MAP9: variants seen among roughly 807,000 people sequenced by gnomAD.
MAP9 encodes microtubule associated protein 9, also known as microtubule-associated protein 9.
A neutral mutation model predicts 75.2 loss-of-function variants in MAP9; 80 were observed. The observed-to-expected ratio is 1.06, with a 90% CI of 0.89 to 1.28. The LOEUF is 1.28. Among genes scored for constraint, MAP9 ranks in the 50% most tolerant of loss-of-function variants. The probability of loss-of-function intolerance (pLI) is 0.00; values close to 1 mark genes in which losing one functional copy is unlikely to be tolerated. For missense variants in MAP9, 753 were observed against 719.9 expected (o/e 1.05, Z -0.53); for synonymous variants, 235 against 237.3 (o/e 0.99, Z 0.09).
Position 155,355,160 on chromosome 4 carries a change from C to A in MAP9, c.1291G>T (p.Glu431Ter). The A allele has an allele frequency of 8.9e-7, 1 of 1,121,362 alleles. No individual in the cohort carries two copies. The highest frequency in any genetic ancestry group is 1.6e-5 in the South Asian group (1 of 61,932). 69.5% of individuals were successfully genotyped at this position (1,121,362 alleles called of 1,614,324 possible). A position where few individuals can be genotyped will look rare whatever the true frequency, so the allele number is the denominator to read the frequency against. The change falls in exon 10 of 14, where the codon GAG becomes TAG. Residue 431 changes from glutamate to a stop codon, truncating the protein, a stop_gained and splice_region_variant. Coordinates refer to ENST00000311277, the MANE Select transcript of MAP9 (RefSeq NM_001039580.2). LOFTEE classifies it high-confidence loss of function. Reference protein sequence around the residue: ...ADNIRAAVYQEWLEKKNVYLH... With the variant: ...ADNIRAAVYQ Reference sequence around the variant, plus strand: ...TACACATTTTTCTTTTCTAACCACTCCTATAAGAACAAGAAAAAGGTCATA... The same window carrying A: ...TACACATTTTTCTTTTCTAACCACTACTATAAGAACAAGAAAAAGGTCATA...
chr4:155,372,291 TG>T lies in MAP9; in HGVS notation c.481+844del, dbSNP rs544539613. ...CAAAGTATGAAATATTTACCAGCAC[TG>T]TATTTACTGATGATATGCAAGGAGA... is the stretch of plus-strand genomic sequence containing the variant. On this transcript the variant is annotated intron_variant, in intron 4 of 13. Coordinates refer to ENST00000311277, the MANE Select transcript of MAP9 (RefSeq NM_001039580.2). Among the ~76,000 whole-genome samples the T allele has an allele frequency of 2.6e-5, 4 of 152,326 alleles. No homozygotes were observed. The South Asian group carries it at 8.3e-4, about 32-fold the overall frequency.
chr4:155,361,657 ATTGGAATCTAGC>A (rs1199450848), intron 6 of MAP9, among the ~76,000 whole-genome samples: 4 of 152,062 alleles, frequency 2.6e-5, no homozygotes, highest in African/African-American at 9.6e-5. Context: ...TTGTGCCTGT[ATTGGAATCTAGC>A]TTAGTCTCAC....
At chr4:155,361,207 T>C (rs1732064226) in intron 6 of MAP9, 4 of 152,188 alleles carry the variant, frequency 2.6e-5, no homozygotes, top group African/African-American at 9.6e-5. Flanking sequence ...TGAGGTAACA[T>C]GGGCTTAAAA....
chr4:155,357,400 T>C, intron 8 of MAP9, 49 bp downstream of exon 8: 1 of 1,109,146 alleles, frequency 9.0e-7, no homozygotes, highest in Non-Finnish European at 1.4e-6. Flanking sequence ...TAAAACTAGC[T>C]TTGCTAGAAT....
In MAP9 at chr4:155,355,844, T is replaced by C; in HGVS notation, c.1162A>G (p.Arg388Gly). Residue 388 changes from arginine to glycine, a missense_variant, in exon 9 of 14, where the codon AGG becomes GGG. Transcript: ENST00000311277. ...GAGGTAGTTGTCGATGGAGTTCTCCTTTTAGAACTAGATTTCTTCAAAAAC... is the reference window on the plus strand; with the variant it reads ...GAGGTAGTTGTCGATGGAGTTCTCCCTTTAGAACTAGATTTCTTCAAAAAC... ...SEFLKKSSSKRRTPSTTTSSH... is the reference protein window; with the variant it reads ...SEFLKKSSSKGRTPSTTTSSH... 6.2e-7 allele frequency: 1 copy of C among 1,613,446 alleles called. No homozygotes were observed. Among genetic ancestry groups the C allele is most frequent in the Non-Finnish European group, 8.5e-7 (1 of 1,179,586 alleles).
At chr4:155,351,194 G>A (rs775693052) in intron 13 of MAP9, 4 of 151,722 alleles carry the variant, frequency 2.6e-5, no homozygotes, top group Non-Finnish European at 4.4e-5. Flanking sequence ...AAACAGACCC[G>A]AAAACATGAG....
Position 155,373,246 on chromosome 4 carries a change from AT to A in MAP9, c.370del (p.Ile124LeufsTer3), listed in dbSNP as rs779891156. 2.5e-6 allele frequency: 4 copies of A among 1,612,418 alleles called. 1 individual carries two copies. The highest frequency in any genetic ancestry group is 1.7e-5 in the Admixed American group (1 of 59,924). On this transcript the variant is annotated frameshift_variant, in exon 4 of 14. Coordinates refer to ENST00000311277, the MANE Select transcript of MAP9 (RefSeq NM_001039580.2). LOFTEE classifies it high-confidence loss of function. ...EEMAPDGCED[I>X]VVKSFSESQN... is the part of the protein sequence containing the mutation. ...AGATTCAGAGAAAGATTTTACAACA[AT>A]GTCTTCACACCCATCAGGTGCCATT...
At chr4:155,364,894 C>CAAT (rs1247466638) in intron 5 of MAP9, among the ~76,000 whole-genome samples, 1 of 150,870 alleles carries the variant, frequency 6.6e-6, no homozygotes, top group African/African-American at 2.4e-5. Context: ...GATAAAAGGT[C>CAAT]AATAATAATA....
In MAP9 at chr4:155,359,409, G is replaced by A. The variant is rs112731087; in HGVS notation, c.1050+759C>T. Among the ~76,000 whole-genome samples the A allele has an allele frequency of 1.3e-3, 194 of 152,086 alleles. 2 individuals carry two copies. The highest frequency in any genetic ancestry group is 4.6e-3 in the African/African-American group (189 of 41,512). On this transcript the variant is annotated intron_variant, in intron 7 of 13. Coordinates refer to ENST00000311277, the MANE Select transcript of MAP9 (RefSeq NM_001039580.2). ...AATAATGTGTACACATGTATATAGG[G>A]TATGGAATAATAGATAATGGAGACT...
At chr4:155,356,373 A>T (rs1307974134) in intron 8 of MAP9, among the ~76,000 whole-genome samples, 2 of 152,168 alleles carry the variant, frequency 1.3e-5, no homozygotes, top group Non-Finnish European at 2.9e-5. Context: ...TAAATTATGT[A>T]GAAGGGGACA....
intron 13 of MAP9, among the ~76,000 whole-genome samples, chr4:155,350,638 A>G (rs1353212248): frequency 1.3e-5 from 2 of 152,032 alleles, no homozygotes; most frequent in African/African-American, 4.8e-5. Context: ...TAAGGAAATC[A>G]TCATGAAACA....
rs959856437 is a variant in MAP9 at position 155,343,209 on chromosome 4, A to ATT, written c.*4572_*4573dup. ...GTATTTTATATATATTATGTACATC[A>ATT]TTATATATATATGCATACATATTTG... On this transcript the variant is annotated 3_prime_UTR_variant, in exon 14 of 14. Transcript: ENST00000311277. 2 of 150,778 alleles carry ATT rather than the reference A, an allele frequency of 1.3e-5. No homozygotes were observed. The highest frequency in any genetic ancestry group is 3.0e-5 in the Non-Finnish European group (2 of 67,626). The allele number at this position is 150,778 out of a possible 1,614,324, so 9.3% of individuals were successfully genotyped here. A position where few individuals can be genotyped will look rare whatever the true frequency, so the allele number is the denominator to read the frequency against.
Position 155,353,356 on chromosome 4 carries a change from T to TTAAA in MAP9, c.1381-17_1381-16insTTTA, listed in dbSNP as rs1414328250. 2 of 1,549,114 alleles carry TTAAA rather than the reference T, an allele frequency of 1.3e-6. No individual in the cohort carries two copies. The highest frequency in any genetic ancestry group is 8.6e-7 in the Non-Finnish European group (1 of 1,158,858). Reference sequence around the variant, plus strand: ...CAGCTTTTTTCTACAGTGGAAAAAATAATAGAGTGATATACATATATATGT... The same window carrying TTAAA: ...CAGCTTTTTTCTACAGTGGAAAAAATTAAAAATAGAGTGATATACATATATATGT... On this transcript the variant is annotated splice_polypyrimidine_tract_variant and intron_variant, in intron 10 of 13. Coordinates refer to ENST00000311277, the MANE Select transcript of MAP9 (RefSeq NM_001039580.2).
chr4:155,369,362 CA>C (rs145755061), intron 4 of MAP9, among the ~76,000 whole-genome samples: 10,725 of 129,820 alleles, frequency 0.083, 933 homozygotes, highest in East Asian at 0.44. Flanking sequence ...ACAACAACAA[CA>C]AAAAAAAAAC....
Position 155,344,495 on chromosome 4 carries a change from C to G in MAP9, c.*3288G>C, listed in dbSNP as rs1160457206. Reference sequence around the variant, plus strand: ...GGCCAGGTTTATTAAAGTATTAAAACCCCTTTCAGAGGCATAGTTCTATAA... The same window carrying G: ...GGCCAGGTTTATTAAAGTATTAAAAGCCCTTTCAGAGGCATAGTTCTATAA... On this transcript the variant is annotated 3_prime_UTR_variant, in exon 14 of 14. Transcript: ENST00000311277. 6.6e-6 allele frequency: 1 copy of G among 151,912 alleles called. No individual in the cohort carries two copies. The highest frequency in any genetic ancestry group is 1.5e-5 in the Non-Finnish European group (1 of 67,854). The allele number at this position is 151,912 out of a possible 1,614,324, so 9.4% of individuals were successfully genotyped here.
chr4:155,366,223 G>A (rs1308519842), intron 5 of MAP9, among the ~76,000 whole-genome samples: 1 of 152,164 alleles, frequency 6.6e-6, no homozygotes, highest in South Asian at 2.1e-4. Context: ...GCCAGGCATG[G>A]TGGTGGGTGC....
rs778055136 is a variant in MAP9, at chr4:155,353,230, G to GT, written c.1490dup (p.Asn497LysfsTer6). On this transcript the variant is annotated frameshift_variant, in exon 11 of 14. Transcript: ENST00000311277. LOFTEE classifies it high-confidence loss of function. ...CATTTTCTTCTTCAGTTTTCTTCTT[G>GT]TTTTTTTCTTCAAGCCTCTTTTTGG... The GT allele has an allele frequency of 3.1e-6, 5 of 1,600,036 alleles. No individual in the cohort carries two copies. The highest frequency in any genetic ancestry group is 1.1e-5 in the South Asian group (1 of 88,644).
chr4:155,352,858 C>A, intron 12 of MAP9, 54 bp downstream of exon 12: 1 of 1,440,164 alleles, frequency 6.9e-7, no homozygotes, highest in South Asian at 1.3e-5. Flanking sequence ...TTATAAAATC[C>A]TGAAGTGTTA....
chr4:155,357,410 T>C (rs774881632), intron 8 of MAP9, 39 bp downstream of exon 8: 2 of 1,202,074 alleles, frequency 1.7e-6, no homozygotes, highest in Non-Finnish European at 2.5e-6. Context: ...TTTGCTAGAA[T>C]GCAAGCCCAT....
Sources: allele counts gnomAD v4.1 joint callset (sites outside exome capture counted in the v4.1 genomes callset), GRCh38; gene constraint gnomAD v4.1.1; transcripts MANE v1.5; gene names NCBI Gene and HGNC (gene_info 2026-07-23, HGNC 2026-07-21).